The following INSL6 variants were observed in gnomAD, a reference collection of about 807,000 sequenced individuals.
The protein encoded by INSL6 is insulin-like peptide INSL6.
In INSL6, 16 loss-of-function variants were observed where a neutral mutation model predicts 9.4. That is an observed-to-expected ratio of 1.70 (90% CI 1.15 to 2.59). The LOEUF is 2.59. Among genes scored for constraint, INSL6 ranks in the 30% most tolerant of loss-of-function variants. The probability of loss-of-function intolerance (pLI) is 0.00; values close to 1 mark genes in which losing one functional copy is unlikely to be tolerated. For missense variants in INSL6, 391 were observed against 257.3 expected (o/e 1.52, Z -3.56); for synonymous variants, 154 against 96.9 (o/e 1.59, Z -3.46).
At chr9:5,042,994 G>T in the INSL6 span, among the ~76,000 whole-genome samples, 1 of 152,218 alleles carries the variant, frequency 6.6e-6, no homozygotes, top group South Asian at 2.1e-4. Flanking sequence ...GAGGGGGGTG[G>T]GCCGGCTGGC....
chr9:5,101,661 C>G, the INSL6 span, among the ~76,000 whole-genome samples: 5 of 152,202 alleles, frequency 3.3e-5, no homozygotes, highest in African/African-American at 1.2e-4. Context: ...GGGTGCCTGT[C>G]TGGGACGAAG....
At chr9:5,076,457 C>G in the INSL6 span, among the ~76,000 whole-genome samples, 1 of 152,176 alleles carries the variant, frequency 6.6e-6, no homozygotes, top group African/African-American at 2.4e-5. Flanking sequence ...AAGATTACAA[C>G]TTTCTGAAGG....
the INSL6 span, among the ~76,000 whole-genome samples, chr9:5,011,722 G>A: frequency 1.2e-4 from 18 of 151,992 alleles, no homozygotes; most frequent in Admixed American, 9.2e-4. Context: ...TAGAAACTCC[G>A]GATGATGTGG....
chr9:5,037,418 T>A, the INSL6 span, among the ~76,000 whole-genome samples: 4 of 152,338 alleles, frequency 2.6e-5, no homozygotes, highest in Admixed American at 1.3e-4. Context: ...GTATGTTTAT[T>A]GCGGCACTAT....
chr9:5,148,218 G>T (rs1330569487), intron 2 of INSL6, among the ~76,000 whole-genome samples: 1 of 152,132 alleles, frequency 6.6e-6, no homozygotes, highest in African/African-American at 2.4e-5. Flanking sequence ...TTCATTTCTG[G>T]AAGTTTTCAC....
At chr9:4,998,670 C>T in the INSL6 span, among the ~76,000 whole-genome samples, 2 of 151,664 alleles carry the variant, frequency 1.3e-5, no homozygotes, top group Admixed American at 1.3e-4. Context: ...GTGGCTTTTC[C>T]TGTGTAGTCA....
chr9:5,141,118 C>A (rs1323853854), intron 2 of INSL6, among the ~76,000 whole-genome samples: 1 of 152,110 alleles, frequency 6.6e-6, no homozygotes, highest in African/African-American at 2.4e-5. Context: ...CACTGACGGA[C>A]ATTTAGGTTG....
chr9:5,031,025 T>C, the INSL6 span, among the ~76,000 whole-genome samples: 1 of 152,068 alleles, frequency 6.6e-6, no homozygotes, highest in Non-Finnish European at 1.5e-5. Context: ...CCAGGAATGG[T>C]CTTAATAAGA....
intron 2 of INSL6, among the ~76,000 whole-genome samples, chr9:5,149,491 T>G (rs1824671161): frequency 6.6e-6 from 1 of 152,138 alleles, no homozygotes; most frequent in African/African-American, 2.4e-5. Flanking sequence ...CAATCCTATT[T>G]GCAATAGCTA....
At chr9:5,155,521 C>G (rs1185361730) in intron 2 of INSL6, among the ~76,000 whole-genome samples, 3 of 138,584 alleles carry the variant, frequency 2.2e-5, no homozygotes, top group Admixed American at 7.1e-5. Flanking sequence ...ATACATAGAA[C>G]TACTAAATAA....
the INSL6 span, among the ~76,000 whole-genome samples, chr9:5,006,202 T>A: frequency 2.0e-4 from 30 of 152,170 alleles, no homozygotes; most frequent in Middle Eastern, 3.2e-3. Flanking sequence ...CTTGAAGAGG[T>A]CCTTCACATC....
chr9:5,082,835 C>A, the INSL6 span, among the ~76,000 whole-genome samples: 4 of 152,216 alleles, frequency 2.6e-5, no homozygotes, highest in African/African-American at 9.7e-5. Flanking sequence ...ACCTTGATTC[C>A]ATACAACACA....
the INSL6 span, among the ~76,000 whole-genome samples, chr9:5,035,660 G>C: frequency 2.0e-5 from 3 of 152,166 alleles, no homozygotes; most frequent in African/African-American, 7.2e-5. Flanking sequence ...GGCAGAAAAG[G>C]TCTTTGGCAA....
chr9:5,037,938 A>T, the INSL6 span, among the ~76,000 whole-genome samples: 2 of 152,234 alleles, frequency 1.3e-5, no homozygotes, highest in Non-Finnish European at 1.5e-5. Context: ...TAAGTATGAA[A>T]TTTAAAACAG....
the INSL6 span, among the ~76,000 whole-genome samples, chr9:5,022,620 T>C: frequency 1.5e-3 from 236 of 152,362 alleles, no homozygotes; most frequent in Admixed American, 3.6e-3. Context: ...CATTTTCTTC[T>C]AGTTAGCTTC....
chr9:5,030,202 A>G, the INSL6 span, among the ~76,000 whole-genome samples: 1 of 152,194 alleles, frequency 6.6e-6, no homozygotes, highest in Non-Finnish European at 1.5e-5. Context: ...ACAAAATCCT[A>G]AATGTTTGGG....
chr9:5,108,471 C>T, the INSL6 span: 1 of 151,970 alleles, frequency 6.6e-6, no homozygotes, highest in African/African-American at 2.4e-5. Flanking sequence ...ATTTACTGAC[C>T]AAGAACTGTT....
chr9:5,132,284 AAAG>A (rs1824306285), intron 3 of INSL6: 1 of 152,216 alleles, frequency 6.6e-6, no homozygotes, highest in Non-Finnish European at 1.5e-5. Context: ...TCTGAGATCT[AAAG>A]AATGATGAAC....
At chr9:5,082,942 T>C in the INSL6 span, among the ~76,000 whole-genome samples, 2 of 152,254 alleles carry the variant, frequency 1.3e-5, no homozygotes, top group Non-Finnish European at 2.9e-5. Flanking sequence ...GAATTTCTTA[T>C]GTCTTCCTTT....
Sources: allele counts gnomAD v4.1 joint callset (sites outside exome capture counted in the v4.1 genomes callset), GRCh38; gene constraint gnomAD v4.1.1; transcripts MANE v1.5; gene names NCBI Gene and HGNC (gene_info 2026-07-23, HGNC 2026-07-21).